Variants in HMBOX1 observed in about 807,000 individuals in gnomAD.
HMBOX1 encodes homeobox-containing protein 1.
In HMBOX1, 14 loss-of-function variants were observed where a neutral mutation model predicts 54.5. The ratio of observed to expected loss-of-function variants is 0.26; its 90% CI spans 0.17 to 0.40. The LOEUF is 0.40. Among genes scored for constraint, HMBOX1 ranks in the 10% least tolerant of loss-of-function variants. The pLI, the probability that HMBOX1 is intolerant of heterozygous loss-of-function variation, is 1.00. For synonymous variants in HMBOX1, 160 were observed against 181.0 expected (o/e 0.88, Z 0.93); for missense variants, 332 against 514.4 (o/e 0.65, Z 3.43).
intron 1 of HMBOX1, among the ~76,000 whole-genome samples, chr8:28,928,660 T>A (rs899831396): frequency 1.3e-5 from 2 of 152,230 alleles, no homozygotes; most frequent in African/African-American, 4.8e-5. Context: ...ATGACACACA[T>A]ATGCACAATG....
chr8:28,928,824 A>T (rs908492275), intron 1 of HMBOX1, among the ~76,000 whole-genome samples: 1 of 152,232 alleles, frequency 6.6e-6, no homozygotes, highest in Non-Finnish European at 1.5e-5. Flanking sequence ...TCTCACTTGT[A>T]TGTAGAATCT....
At chr8:28,908,079 C>A (rs1358111770) in intron 1 of HMBOX1, among the ~76,000 whole-genome samples, 1 of 152,154 alleles carries the variant, frequency 6.6e-6, no homozygotes, top group Non-Finnish European at 1.5e-5. Flanking sequence ...TTTCAAACTC[C>A]TGGCCTCAAG....
intron 6 of HMBOX1, among the ~76,000 whole-genome samples, chr8:29,042,917 C>T (rs1167148118): frequency 6.6e-6 from 1 of 152,064 alleles, no homozygotes; most frequent in Non-Finnish European, 1.5e-5. Context: ...GAAGAACAAA[C>T]TATTTTGAAG....
chr8:29,039,556 T>G (rs1034774983), intron 6 of HMBOX1, among the ~76,000 whole-genome samples: 1 of 152,186 alleles, frequency 6.6e-6, no homozygotes, highest in Non-Finnish European at 1.5e-5. Flanking sequence ...TCCCATTCAT[T>G]TATTCCCTAA....
intron 4 of HMBOX1, among the ~76,000 whole-genome samples, chr8:29,005,644 A>T (rs1833343894): frequency 6.6e-6 from 1 of 152,156 alleles, no homozygotes; most frequent in African/African-American, 2.4e-5. Flanking sequence ...AAGTTAGGAC[A>T]CCCATATAAC....
chr8:28,924,300 G>A (rs999288759), intron 1 of HMBOX1, among the ~76,000 whole-genome samples: 11 of 151,542 alleles, frequency 7.3e-5, no homozygotes, highest in Non-Finnish European at 1.2e-4. Flanking sequence ...TAGTAGAGAT[G>A]GGGTTTCACC....
intron 3 of HMBOX1, among the ~76,000 whole-genome samples, chr8:28,972,661 A>G (rs1428189489): frequency 6.6e-6 from 1 of 152,238 alleles, no homozygotes; most frequent in Non-Finnish European, 1.5e-5. Context: ...AGCTTTTGAC[A>G]TAACAGTTAA....
intron 4 of HMBOX1, among the ~76,000 whole-genome samples, chr8:28,992,933 T>C (rs1586335905): frequency 6.6e-6 from 1 of 151,252 alleles, no homozygotes; most frequent in East Asian, 1.9e-4. Flanking sequence ...CTTTCTGTGT[T>C]CCTCAGCCAT....
intron 3 of HMBOX1, among the ~76,000 whole-genome samples, chr8:28,978,408 G>C (rs1828786253): frequency 6.6e-6 from 1 of 152,134 alleles, no homozygotes; most frequent in Non-Finnish European, 1.5e-5. Flanking sequence ...CTCAGATCAG[G>C]GGTCAGCAAA....
At chr8:28,984,414 C>T (rs1391741651) in intron 4 of HMBOX1, among the ~76,000 whole-genome samples, 1 of 152,116 alleles carries the variant, frequency 6.6e-6, no homozygotes, top group South Asian at 2.1e-4. Flanking sequence ...GTGCTTGTTC[C>T]AGAAACAAAT....
At chr8:28,996,000 A>C (rs1488954035) in intron 4 of HMBOX1, among the ~76,000 whole-genome samples, 1 of 151,952 alleles carries the variant, frequency 6.6e-6, no homozygotes, top group Non-Finnish European at 1.5e-5. Context: ...CAGCTACTTG[A>C]AAGGCTGAGG....
intron 3 of HMBOX1, among the ~76,000 whole-genome samples, chr8:28,972,093 T>A (rs1242609829): frequency 6.6e-6 from 1 of 152,238 alleles, no homozygotes; most frequent in African/African-American, 2.4e-5. Flanking sequence ...CTTTATTATA[T>A]GAAATTCTGT....
intron 1 of HMBOX1, among the ~76,000 whole-genome samples, chr8:28,892,738 GAA>G (rs562292576): frequency 1.3e-5 from 2 of 150,504 alleles, no homozygotes; most frequent in Admixed American, 1.3e-4. Context: ...GACCTGAATA[GAA>G]AAAAAAATGT....
chr8:28,957,514 A>G (rs1315994363), intron 1 of HMBOX1, among the ~76,000 whole-genome samples: 2 of 152,188 alleles, frequency 1.3e-5, no homozygotes, highest in Non-Finnish European at 2.9e-5. Flanking sequence ...AGCATCATGC[A>G]ATATACCCTT....
chr8:29,018,652 G>A, intron 5 of HMBOX1, 108 bp from the exon 6 acceptor site: 5 of 1,098,482 alleles, frequency 4.6e-6, no homozygotes, highest in South Asian at 1.9e-5. Flanking sequence ...CATTGATTAA[G>A]TTGTCACTAA....
intron 1 of HMBOX1, among the ~76,000 whole-genome samples, chr8:28,910,643 T>C (rs936452543): frequency 6.6e-6 from 1 of 152,218 alleles, no homozygotes; most frequent in Non-Finnish European, 1.5e-5. Context: ...CATGTTTTCA[T>C]GTGCTTATTG....
At chr8:28,999,662 A>C (rs1832347439) in intron 4 of HMBOX1, among the ~76,000 whole-genome samples, 1 of 151,844 alleles carries the variant, frequency 6.6e-6, no homozygotes, top group South Asian at 2.1e-4. Flanking sequence ...GTTCATATCT[A>C]CCGTTGAGTC....
At chr8:28,953,976 G>A (rs1203767638) in intron 1 of HMBOX1, among the ~76,000 whole-genome samples, 1 of 152,080 alleles carries the variant, frequency 6.6e-6, no homozygotes, top group Non-Finnish European at 1.5e-5. Context: ...ATTTATCTTT[G>A]GTCAGTAGCA....
At chr8:29,023,035 C>CA (rs961363488) in intron 6 of HMBOX1, among the ~76,000 whole-genome samples, 4 of 151,660 alleles carry the variant, frequency 2.6e-5, no homozygotes, top group Admixed American at 1.3e-4. Context: ...AAAGAAACAC[C>CA]AAAAAAATCT....
Sources: gnomAD v4.1 joint callset for allele counts (sites outside exome capture counted in the v4.1 genomes callset) on GRCh38, gnomAD v4.1.1 for gene constraint, MANE v1.5 for transcripts, NCBI Gene and HGNC (gene_info 2026-07-23, HGNC 2026-07-21) for gene names.